B3GALT1: variants seen among roughly 807,000 people sequenced by gnomAD.
The protein encoded by B3GALT1 is beta-1,3-galactosyltransferase 1.
Under a neutral mutation model 23.2 loss-of-function variants are expected in B3GALT1, and 10 were observed. The ratio of observed to expected loss-of-function variants is 0.43; its 90% CI spans 0.27 to 0.73. The LOEUF (loss-of-function observed/expected upper bound fraction) is 0.73, where lower values mean the gene tolerates loss of function less well. Among genes scored for constraint, B3GALT1 ranks in the 30% least tolerant of loss-of-function variants. The pLI, the probability that B3GALT1 is intolerant of heterozygous loss-of-function variation, is 0.21. For synonymous variants in B3GALT1, 156 were observed against 141.5 expected (o/e 1.10, Z -0.73); for missense variants, 299 against 405.4 (o/e 0.74, Z 2.25).
intron 2 of B3GALT1, among the ~76,000 whole-genome samples, chr2:167,555,992 T>C (rs935990048): frequency 2.6e-5 from 4 of 152,190 alleles, no homozygotes; most frequent in Non-Finnish European, 5.9e-5. Flanking sequence ...ATATGAATTA[T>C]GCCAATGGGA....
chr2:167,567,435 C>T (rs1036249925), intron 2 of B3GALT1, among the ~76,000 whole-genome samples: 2 of 152,070 alleles, frequency 1.3e-5, no homozygotes, highest in Non-Finnish European at 2.9e-5. Flanking sequence ...AAAAAGGGAT[C>T]ATTCTCAAAG....
At chr2:167,431,179 ATAGAG>A (rs1391891272) in intron 1 of B3GALT1, among the ~76,000 whole-genome samples, 11 of 152,370 alleles carry the variant, frequency 7.2e-5, no homozygotes, top group African/African-American at 2.4e-4. Flanking sequence ...CGACCTTCAC[ATAGAG>A]TAAAGTGAAG....
intron 2 of B3GALT1, among the ~76,000 whole-genome samples, chr2:167,616,694 C>CAATAAATAAATAAATAAATA (rs547824482): frequency 7.9e-5 from 12 of 151,470 alleles, no homozygotes; most frequent in African/African-American, 2.9e-4. Flanking sequence ...GACCCTGTCT[C>CAATAAATAAATAAATAAATA]AATAAATAAA....
At chr2:167,671,230 C>T (rs1686320817) in intron 3 of B3GALT1, among the ~76,000 whole-genome samples, 1 of 151,794 alleles carries the variant, frequency 6.6e-6, no homozygotes. Flanking sequence ...CTTTAATAAC[C>T]CCCATGGAAA....
intron 2 of B3GALT1, among the ~76,000 whole-genome samples, chr2:167,622,548 A>G (rs1685277312): frequency 6.6e-6 from 1 of 152,152 alleles, no homozygotes; most frequent in South Asian, 2.1e-4. Context: ...CATTTAAGAC[A>G]TTTTGGGTTG....
rs1249415313 is a variant in B3GALT1, at chr2:167,871,468, C to G, written c.*1448C>G. ...GAACTATCACTGCACCTAATTCTAC[C>G]AAGGCTTGACTTTTCCTTGGCTGTA... On this transcript the variant is annotated 3_prime_UTR_variant, in exon 5 of 5. Coordinates refer to ENST00000392690, the MANE Select transcript of B3GALT1 (RefSeq NM_020981.4). The G allele has an allele frequency of 6.6e-6, 1 of 152,096 alleles. No individual in the cohort carries two copies. The highest frequency in any genetic ancestry group is 1.5e-5 in the Non-Finnish European group (1 of 68,018). 9.4% of individuals were successfully genotyped at this position (152,096 alleles called of 1,614,324 possible). A position where few individuals can be genotyped will look rare whatever the true frequency, so the allele number is the denominator to read the frequency against.
intron 2 of B3GALT1, among the ~76,000 whole-genome samples, chr2:167,495,871 C>T (rs1406896558): frequency 6.6e-6 from 1 of 152,044 alleles, no homozygotes; most frequent in Non-Finnish European, 1.5e-5. Context: ...TTGTGGAAGA[C>T]AAAACATTTA....
At position 167,388,085 on chromosome 2, in the gene B3GALT1, A is replaced by G. The variant is rs543587416; in HGVS notation, c.-511+94751A>G. On this transcript the variant is annotated intron_variant, in intron 1 of 4. Transcript: ENST00000392690. ...TTTCCTGTCGGCAGCATTAAATATC[A>G]TTTCTCTAAAGGAGCATTCTAGAGA... Among the ~76,000 whole-genome samples, 29 of 152,282 alleles carry G rather than the reference A, an allele frequency of 1.9e-4. No homozygotes were observed. The South Asian group carries it at 5.4e-3, about 28-fold the overall frequency.
At chr2:167,753,479 G>A (rs894428644) in intron 3 of B3GALT1, among the ~76,000 whole-genome samples, 7 of 152,158 alleles carry the variant, frequency 4.6e-5, no homozygotes, top group African/African-American at 1.7e-4. Flanking sequence ...TCCATGCAGA[G>A]AGAATTCAGA....
intron 3 of B3GALT1, among the ~76,000 whole-genome samples, chr2:167,653,557 G>C (rs112169105): frequency 1.4e-3 from 210 of 152,220 alleles, no homozygotes; most frequent in African/African-American, 4.9e-3. Context: ...AATTATCAAG[G>C]CTTCCAAAAT....
chr2:167,570,609 A>G (rs2105399766), intron 2 of B3GALT1, among the ~76,000 whole-genome samples: 1 of 152,092 alleles, frequency 6.6e-6, no homozygotes, highest in East Asian at 1.9e-4. Context: ...AATACTCAGC[A>G]TTTTTTTAGC....
intron 4 of B3GALT1, among the ~76,000 whole-genome samples, chr2:167,866,516 A>G (rs1690221178): frequency 6.6e-6 from 1 of 152,260 alleles, no homozygotes; most frequent in East Asian, 1.9e-4. Flanking sequence ...GGATTAACAA[A>G]TGAATGAATA....
intron 1 of B3GALT1, among the ~76,000 whole-genome samples, chr2:167,447,723 A>C (rs968039384): frequency 6.6e-6 from 1 of 152,118 alleles, no homozygotes; most frequent in African/African-American, 2.4e-5. Flanking sequence ...GCACAATATT[A>C]GGGTGGAAGT....
intron 2 of B3GALT1, among the ~76,000 whole-genome samples, chr2:167,524,175 GTATTT>G (rs1438954281): frequency 1.3e-5 from 2 of 151,964 alleles, no homozygotes; most frequent in Admixed American, 1.3e-4. Flanking sequence ...ATTGTATATT[GTATTT>G]TAAGTATGAA....
At chr2:167,760,535 T>C (rs1045005887) in intron 3 of B3GALT1, among the ~76,000 whole-genome samples, 10 of 152,214 alleles carry the variant, frequency 6.6e-5, no homozygotes, top group Non-Finnish European at 1.5e-4. Context: ...TGCATTGAAA[T>C]GACAAGAAGG....
intron 3 of B3GALT1, among the ~76,000 whole-genome samples, chr2:167,802,710 C>A (rs917788718): frequency 1.3e-5 from 2 of 152,138 alleles, no homozygotes. Context: ...CTATTAAGCC[C>A]TTGTTACAAT....
At chr2:167,476,706 C>A (rs1373912204) in intron 1 of B3GALT1, among the ~76,000 whole-genome samples, 1 of 152,108 alleles carries the variant, frequency 6.6e-6, no homozygotes, top group Non-Finnish European at 1.5e-5. Flanking sequence ...TCCTCTACAC[C>A]TCTCACTGAG....
chr2:167,339,995 A>G (rs1026848564), intron 1 of B3GALT1, among the ~76,000 whole-genome samples: 1 of 152,184 alleles, frequency 6.6e-6, no homozygotes, highest in Non-Finnish European at 1.5e-5. Context: ...AGGGTTTTCA[A>G]ATGCATGTAC....
At chr2:167,458,588 T>C (rs1699208211) in intron 1 of B3GALT1, among the ~76,000 whole-genome samples, 1 of 152,250 alleles carries the variant, frequency 6.6e-6, no homozygotes, top group Non-Finnish European at 1.5e-5. Context: ...ACAAGGGTTC[T>C]GATTTCTCCA....
Sources: gnomAD v4.1 joint callset for allele counts (sites outside exome capture counted in the v4.1 genomes callset) on GRCh38, gnomAD v4.1.1 for gene constraint, MANE v1.5 for transcripts, NCBI Gene and HGNC (gene_info 2026-07-23, HGNC 2026-07-21) for gene names.